Variants in ZNF804B observed in about 807,000 individuals in gnomAD.
ZNF804B encodes zinc finger 804B.
ZNF804B carries 80 observed loss-of-function variants against 101.4 expected under a neutral mutation model. That is an observed-to-expected ratio of 0.79 (90% CI 0.66 to 0.95). The LOEUF (loss-of-function observed/expected upper bound fraction) is 0.95, where lower values mean the gene tolerates loss of function less well. ZNF804B is among the 40% of genes least tolerant of loss of function. ZNF804B has a pLI of 0.00. For missense variants in ZNF804B, 1,673 were observed against 1,561.9 expected, an observed-to-expected ratio of 1.07 and a Z score of -1.20; for synonymous variants, 622 against 558.8, an observed-to-expected ratio of 1.11 and a Z score of -1.59.
intron 1 of ZNF804B, among the ~76,000 whole-genome samples, chr7:89,115,938 C>T (rs1790305156): frequency 6.7e-6 from 1 of 150,246 alleles, no homozygotes; most frequent in African/African-American, 2.5e-5. Flanking sequence ...AAGAGTCTCA[C>T]TCCAGTTGCC....
At chr7:89,128,089 G>T (rs1017596130) in intron 1 of ZNF804B, among the ~76,000 whole-genome samples, 1 of 151,688 alleles carries the variant, frequency 6.6e-6, no homozygotes, top group African/African-American at 2.4e-5. Flanking sequence ...CAATTCTATT[G>T]TAATTAATAG....
At chr7:88,925,474 T>G (rs189451643) in intron 1 of ZNF804B, among the ~76,000 whole-genome samples, 14 of 152,152 alleles carry the variant, frequency 9.2e-5, no homozygotes, top group Admixed American at 8.5e-4. Flanking sequence ...AATAGAAAAT[T>G]TGGGTTTACA....
chr7:88,843,474 A>G (rs969953535), intron 1 of ZNF804B, among the ~76,000 whole-genome samples: 1 of 152,176 alleles, frequency 6.6e-6, no homozygotes, highest in East Asian at 1.9e-4. Context: ...GCGGTAGCTC[A>G]CGCCTGTAAT....
At chr7:89,246,736 A>T (rs2115776321) in intron 2 of ZNF804B, among the ~76,000 whole-genome samples, 1 of 152,282 alleles carries the variant, frequency 6.6e-6, no homozygotes, top group South Asian at 2.1e-4. Context: ...CACCTGGATA[A>T]GCAGCCTGAA....
At chr7:88,764,296 T>A (rs1399665724) in intron 1 of ZNF804B, among the ~76,000 whole-genome samples, 1 of 152,192 alleles carries the variant, frequency 6.6e-6, no homozygotes. Context: ...AAGGTTATAT[T>A]TCTTAAGAAG....
chr7:89,102,507 T>A (rs1790070867), intron 1 of ZNF804B, among the ~76,000 whole-genome samples: 1 of 152,006 alleles, frequency 6.6e-6, no homozygotes, highest in African/African-American at 2.4e-5. Flanking sequence ...CCCGTTCATG[T>A]CCTTTGCTCA....
chr7:89,150,847 T>A (rs1790865045), intron 1 of ZNF804B, among the ~76,000 whole-genome samples: 1 of 152,088 alleles, frequency 6.6e-6, no homozygotes, highest in African/African-American at 2.4e-5. Flanking sequence ...CATGGTAGGC[T>A]CTTTGGATGG....
At chr7:89,294,892 C>T (rs1790356607) in intron 2 of ZNF804B, among the ~76,000 whole-genome samples, 1 of 152,104 alleles carries the variant, frequency 6.6e-6, no homozygotes, top group South Asian at 2.1e-4. Context: ...TTTGGTTTTT[C>T]CAATTAATGG....
chr7:89,106,060 A>C (rs1790131583), intron 1 of ZNF804B, among the ~76,000 whole-genome samples: 1 of 152,146 alleles, frequency 6.6e-6, no homozygotes, highest in African/African-American at 2.4e-5. Context: ...GCTCTCTGGA[A>C]GATCCATACA....
At chr7:88,929,054 A>G (rs1035918902) in intron 1 of ZNF804B, among the ~76,000 whole-genome samples, 1 of 152,016 alleles carries the variant, frequency 6.6e-6, no homozygotes, top group South Asian at 2.1e-4. Context: ...AATATTACCA[A>G]TCCTCAGAAT....
intron 2 of ZNF804B, among the ~76,000 whole-genome samples, chr7:89,289,354 C>A (rs368401443): frequency 5.2e-4 from 79 of 151,712 alleles, no homozygotes; most frequent in African/African-American, 1.7e-3. Flanking sequence ...CAAAAAAAAA[C>A]CAACAAACAA....
At chr7:88,868,228 C>G (rs1791766218) in intron 1 of ZNF804B, among the ~76,000 whole-genome samples, 1 of 152,042 alleles carries the variant, frequency 6.6e-6, no homozygotes, top group Non-Finnish European at 1.5e-5. Flanking sequence ...TACCTACTTT[C>G]CCCTTCCTTC....
At chr7:88,844,303 AT>A (rs1304009457) in intron 1 of ZNF804B, among the ~76,000 whole-genome samples, 2 of 152,136 alleles carry the variant, frequency 1.3e-5, no homozygotes, top group Non-Finnish European at 2.9e-5. Flanking sequence ...TTTAAAGTTA[AT>A]TTGTTTAAAC....
At chr7:89,163,721 G>C (rs976202310) in intron 1 of ZNF804B, among the ~76,000 whole-genome samples, 3 of 152,030 alleles carry the variant, frequency 2.0e-5, no homozygotes, top group Non-Finnish European at 2.9e-5. Flanking sequence ...AAGTTGAAGT[G>C]GATAGTAGAG....
chr7:88,771,998 T>C (rs1790072798), intron 1 of ZNF804B, among the ~76,000 whole-genome samples: 1 of 152,146 alleles, frequency 6.6e-6, no homozygotes, highest in Admixed American at 6.6e-5. Context: ...TCCACAAGCA[T>C]GCATGAAGAT....
intron 1 of ZNF804B, among the ~76,000 whole-genome samples, chr7:89,186,743 A>G (rs1294734430): frequency 6.6e-6 from 1 of 152,126 alleles, no homozygotes; most frequent in Non-Finnish European, 1.5e-5. Context: ...CTTCTGCAAT[A>G]GTAATCTGTT....
In ZNF804B at chr7:89,290,466, G is replaced by A. The variant is rs956324054; in HGVS notation, c.250-36878G>A. On this transcript the variant is annotated intron_variant, in intron 2 of 3. Coordinates refer to ENST00000333190, the MANE Select transcript of ZNF804B (RefSeq NM_181646.5). Reference sequence around the variant, plus strand: ...TGATGGCATTTTCTGGGCCTTCCTGGAGCCAGAGAGCAGCCCAATTCACTG... The same window carrying A: ...TGATGGCATTTTCTGGGCCTTCCTGAAGCCAGAGAGCAGCCCAATTCACTG... Among the ~76,000 whole-genome samples, 12 of 152,220 alleles carry A rather than the reference G, an allele frequency of 7.9e-5. 1 individual carries two copies. The highest frequency in any genetic ancestry group is 4.2e-4 in the South Asian group (2 of 4,818).
chr7:88,850,744 A>G (rs1242452199), intron 1 of ZNF804B, among the ~76,000 whole-genome samples: 5 of 152,262 alleles, frequency 3.3e-5, no homozygotes, highest in Admixed American at 2.0e-4. Context: ...AACATTTACA[A>G]TGAATGGCAT....
chr7:88,795,034 G>A (rs763890599), intron 1 of ZNF804B: 3 of 1,039,514 alleles, frequency 2.9e-6, no homozygotes, highest in Non-Finnish European at 3.9e-6. Flanking sequence ...ATGAACTCGT[G>A]TTTTTATTTC....
Sources: allele counts gnomAD v4.1 joint callset (sites outside exome capture counted in the v4.1 genomes callset), GRCh38; gene constraint gnomAD v4.1.1; transcripts MANE v1.5; gene names NCBI Gene and HGNC (gene_info 2026-07-23, HGNC 2026-07-21).